The following CTNND2 variants were observed in gnomAD, a reference collection of about 807,000 sequenced individuals.
CTNND2 encodes catenin delta-2.
Under a neutral mutation model 144.4 loss-of-function variants are expected in CTNND2, and 22 were observed. The ratio of observed to expected loss-of-function variants is 0.15; its 90% CI spans 0.11 to 0.22. CTNND2 has a LOEUF of 0.22. Among genes scored for constraint, CTNND2 ranks in the 10% least tolerant of loss-of-function variants. The pLI is 1.00. For missense variants in CTNND2, 1,353 were observed against 1,618.8 expected (o/e 0.84, Z 2.82); for synonymous variants, 751 against 695.6 (o/e 1.08, Z -1.25).
chr5:11,396,109 C>T (rs886561900), intron 6 of CTNND2, among the ~76,000 whole-genome samples: 3 of 152,060 alleles, frequency 2.0e-5, no homozygotes, highest in East Asian at 1.9e-4. Context: ...GAGATAGTGC[C>T]CAATAAATGC....
At chr5:11,128,806 C>T (rs537894441) in intron 12 of CTNND2, among the ~76,000 whole-genome samples, 26,892 of 52,572 alleles carry the variant, frequency 0.51, 6,991 homozygotes, top group Non-Finnish European at 0.57. Context: ...TATATATATA[C>T]AATATATATA....
In CTNND2 at chr5:10,980,354, T is replaced by C. The variant is rs186243584; in HGVS notation, c.3417+1419A>G. 8.9e-4 allele frequency among the ~76,000 whole-genome samples: 135 copies of C among 152,204 alleles called. No individual in the cohort carries two copies. The East Asian group carries it at 0.022, about 25-fold the overall frequency. ...AAATCAAAACCACAATGAGATACCA[T>C]CTCACACCAGTCAGAATGGCGATCA... On this transcript the variant is annotated intron_variant, in intron 21 of 21. Transcript: ENST00000304623.
At chr5:11,590,047 ATT>A (rs34867068) in intron 2 of CTNND2, among the ~76,000 whole-genome samples, 4 of 144,348 alleles carry the variant, frequency 2.8e-5, no homozygotes, top group Admixed American at 1.4e-4. Flanking sequence ...GATTTTGTAA[ATT>A]TTTTTTTTTT....
intron 1 of CTNND2, among the ~76,000 whole-genome samples, chr5:11,860,937 G>A (rs573574301): frequency 6.6e-6 from 1 of 152,224 alleles, no homozygotes; most frequent in African/African-American, 2.4e-5. Context: ...TTCTTTTGTT[G>A]CTAAAAGGTA....
At chr5:11,191,843 C>T (rs889157936) in intron 11 of CTNND2, among the ~76,000 whole-genome samples, 4 of 152,162 alleles carry the variant, frequency 2.6e-5, no homozygotes, top group Admixed American at 6.5e-5. Flanking sequence ...AAGAGGGGTG[C>T]CATTTGTCCC....
intron 11 of CTNND2, among the ~76,000 whole-genome samples, chr5:11,196,601 G>T (rs115071989): frequency 6.6e-6 from 1 of 152,188 alleles, no homozygotes; most frequent in Non-Finnish European, 1.5e-5. Context: ...GATTTGCAGT[G>T]GCTCCTTGCG....
intron 3 of CTNND2, among the ~76,000 whole-genome samples, chr5:11,446,893 G>A (rs1414837713): frequency 2.6e-5 from 4 of 152,128 alleles, no homozygotes; most frequent in South Asian, 2.1e-4. Context: ...GGTGTTGGGC[G>A]CCCAGCTTAC....
At chr5:11,377,439 C>T (rs916183994) in intron 7 of CTNND2, among the ~76,000 whole-genome samples, 1 of 152,082 alleles carries the variant, frequency 6.6e-6, no homozygotes, top group African/African-American at 2.4e-5. Context: ...ATAGGGGAAA[C>T]AAATGAGTGG....
At chr5:11,504,900 C>T (rs1219112262) in intron 3 of CTNND2, among the ~76,000 whole-genome samples, 2 of 152,114 alleles carry the variant, frequency 1.3e-5, no homozygotes, top group African/African-American at 2.4e-5. Context: ...GCCTCTTGAG[C>T]AGGTTCCTTT....
At position 11,725,139 on chromosome 5, in the gene CTNND2, G is replaced by C. The variant is rs62340162; in HGVS notation, c.174+6997C>G. ...GTTTTATGATTGCAGCCCAGTGACA[G>C]CAACTTGAACATGATCGATGGGCTG... On this transcript the variant is annotated intron_variant, in intron 2 of 21. Transcript: ENST00000304623. Among the ~76,000 whole-genome samples the C allele has an allele frequency of 6.6e-3, 998 of 152,290 alleles. 8 individuals are homozygous for C. The highest frequency in any genetic ancestry group is 0.016 in the South Asian group (77 of 4,832).
intron 1 of CTNND2, among the ~76,000 whole-genome samples, chr5:11,844,034 C>T (rs1171235998): frequency 6.6e-6 from 1 of 152,184 alleles, no homozygotes; most frequent in African/African-American, 2.4e-5. Flanking sequence ...CAGTTGTCAT[C>T]AAGCTCAATC....
chr5:11,847,333 T>C (rs1794798286), intron 1 of CTNND2, among the ~76,000 whole-genome samples: 1 of 151,674 alleles, frequency 6.6e-6, no homozygotes, highest in Non-Finnish European at 1.5e-5. Context: ...TCCTGTTATT[T>C]GCAGCAACAC....
chr5:11,767,673 G>T (rs114544704), intron 1 of CTNND2, among the ~76,000 whole-genome samples: 1 of 152,032 alleles, frequency 6.6e-6, no homozygotes, highest in Non-Finnish European at 1.5e-5. Context: ...ACTGGCATAC[G>T]GCACCATTCT....
At chr5:11,507,490 C>T (rs1311425089) in intron 3 of CTNND2, among the ~76,000 whole-genome samples, 2 of 152,138 alleles carry the variant, frequency 1.3e-5, no homozygotes, top group African/African-American at 2.4e-5. Flanking sequence ...TTCCTCCTTC[C>T]TCCGTTGCAT....
At chr5:11,112,801 T>C (rs1753136317) in intron 13 of CTNND2, among the ~76,000 whole-genome samples, 1 of 152,200 alleles carries the variant, frequency 6.6e-6, no homozygotes. Context: ...GTGCTTAATC[T>C]TTCTGTACTT....
chr5:11,091,794 C>T (rs1056755656), intron 15 of CTNND2, among the ~76,000 whole-genome samples: 10 of 152,188 alleles, frequency 6.6e-5, no homozygotes, highest in African/African-American at 1.9e-4. Context: ...ACTATATGCA[C>T]CCCCACATGA....
chr5:11,201,317 C>A (rs534205289), intron 10 of CTNND2, among the ~76,000 whole-genome samples: 1 of 152,132 alleles, frequency 6.6e-6, no homozygotes, highest in East Asian at 1.9e-4. Flanking sequence ...TTACTTGCTA[C>A]GTTGGTGTTG....
intron 3 of CTNND2, among the ~76,000 whole-genome samples, chr5:11,487,122 A>G (rs1407800515): frequency 6.6e-6 from 1 of 152,198 alleles, no homozygotes; most frequent in Non-Finnish European, 1.5e-5. Flanking sequence ...TCCATGACCA[A>G]ACACTGACTA....
chr5:11,297,086 C>T (rs1446431979), intron 9 of CTNND2, among the ~76,000 whole-genome samples: 4 of 152,254 alleles, frequency 2.6e-5, no homozygotes, highest in Non-Finnish European at 5.9e-5. Flanking sequence ...ACTGTGTCAA[C>T]ATTTAGAAGA....
Sources: allele counts gnomAD v4.1 joint callset (sites outside exome capture counted in the v4.1 genomes callset), GRCh38; gene constraint gnomAD v4.1.1; transcripts MANE v1.5; gene names NCBI Gene and HGNC (gene_info 2026-07-23, HGNC 2026-07-21).